SAMD5: variants seen among roughly 807,000 people sequenced by gnomAD.
The protein encoded by SAMD5 is sterile alpha motif domain containing 5.
In SAMD5, 13 loss-of-function variants were observed where a neutral mutation model predicts 11.3. The observed-to-expected ratio is 1.15, with a 90% confidence interval of 0.75 to 1.83. SAMD5 has a LOEUF of 1.83. Ranked by LOEUF, SAMD5 falls within the 40% of genes most tolerant of loss-of-function variation. The pLI is 0.00. For missense variants in SAMD5, 255 were observed against 239.1 expected, an observed-to-expected ratio of 1.07 and a Z score of -0.44; for synonymous variants, 129 against 111.3, an observed-to-expected ratio of 1.16 and a Z score of -1.00.
At chr6:147,834,864 A>C in the SAMD5 span, among the ~76,000 whole-genome samples, 2 of 152,160 alleles carry the variant, frequency 1.3e-5, no homozygotes, top group Non-Finnish European at 2.9e-5. Flanking sequence ...TGGAAACTCC[A>C]CCTAATTTGG....
chr6:147,572,047 G>T (rs1307674435), downstream of SAMD5, among the ~76,000 whole-genome samples: 1 of 150,886 alleles, frequency 6.6e-6, no homozygotes, highest in Non-Finnish European at 1.5e-5. Context: ...CACTGGGTTT[G>T]TTCCCCACTT....
chr6:147,552,560 A>G (rs1313068127), intron 1 of SAMD5, among the ~76,000 whole-genome samples: 1 of 152,244 alleles, frequency 6.6e-6, no homozygotes, highest in African/African-American at 2.4e-5. Context: ...CATCTGCATA[A>G]ATAGTGTTTT....
At chr6:147,714,229 G>T (rs1204180480) in intron 1 of SAMD5, among the ~76,000 whole-genome samples, 1 of 152,178 alleles carries the variant, frequency 6.6e-6, no homozygotes, top group African/African-American at 2.4e-5. Context: ...TATTACTGAA[G>T]AGTAAACTGG....
the SAMD5 span, among the ~76,000 whole-genome samples, chr6:147,747,332 TGCAAATGGAGG>T: frequency 6.6e-6 from 1 of 152,188 alleles, no homozygotes; most frequent in East Asian, 1.9e-4. Context: ...GGACTGGCCC[TGCAAATGGAGG>T]GGCAGGATGT....
chr6:147,815,220 T>A, the SAMD5 span, among the ~76,000 whole-genome samples: 1 of 152,248 alleles, frequency 6.6e-6, no homozygotes, highest in African/African-American at 2.4e-5. Context: ...CTTACCAGCC[T>A]CGTTCACTGC....
chr6:147,634,687 C>A (rs1790199210), intron 1 of SAMD5, among the ~76,000 whole-genome samples: 1 of 152,076 alleles, frequency 6.6e-6, no homozygotes, highest in Non-Finnish European at 1.5e-5. Context: ...GATTTTACCC[C>A]CTACTAAGCT....
chr6:147,537,130 T>C (rs143274372), intron 1 of SAMD5, among the ~76,000 whole-genome samples: 126 of 152,264 alleles, frequency 8.3e-4, no homozygotes, highest in African/African-American at 2.7e-3. Context: ...GTAAGTCATA[T>C]TAGAATTATA....
Position 147,567,996 on chromosome 6 carries a change from G to A in SAMD5, c.*3540G>A. 1.0e-6 allele frequency: 1 copy of A among 985,418 alleles called. No individual in the cohort carries two copies. The highest frequency in any genetic ancestry group is 1.2e-6 in the Non-Finnish European group (1 of 829,968). The allele number at this position is 985,418 out of a possible 1,614,324, so 61.0% of individuals were successfully genotyped here. On this transcript the variant is annotated 3_prime_UTR_variant, in exon 2 of 2. Transcript: ENST00000367474. The stretch of plus-strand genomic sequence containing the variant: ...TTCAAGTCTGGGGAAATAGGCACAT[G>A]GACAGATTATATGAAGGTATTTCAT...
the SAMD5 span, among the ~76,000 whole-genome samples, chr6:147,816,342 A>C: frequency 7.2e-6 from 1 of 138,834 alleles, no homozygotes. Context: ...CAAATTGTAT[A>C]CTTTAAATAT....
chr6:147,701,445 C>A (rs1335326476), intron 1 of SAMD5, among the ~76,000 whole-genome samples: 1 of 152,048 alleles, frequency 6.6e-6, no homozygotes, highest in Non-Finnish European at 1.5e-5. Flanking sequence ...ACCCGCCTGG[C>A]CAACATGGTA....
chr6:147,706,774 A>G (rs1170086328), intron 1 of SAMD5, among the ~76,000 whole-genome samples: 1 of 152,186 alleles, frequency 6.6e-6, no homozygotes, highest in African/African-American at 2.4e-5. Context: ...GTGTGGCTGT[A>G]TTTAAATTCA....
intron 1 of SAMD5, among the ~76,000 whole-genome samples, chr6:147,728,139 A>T (rs1444593960): frequency 7.4e-6 from 1 of 134,368 alleles, no homozygotes; most frequent in Non-Finnish European, 1.7e-5. Context: ...AAACAGAGAT[A>T]ACCAGGCTGG....
chr6:147,512,173 A>T (rs623003), intron 1 of SAMD5, among the ~76,000 whole-genome samples: 1 of 151,930 alleles, frequency 6.6e-6, no homozygotes, highest in East Asian at 1.9e-4. Flanking sequence ...GGCCAGGCTC[A>T]TCTCGAACTC....
the SAMD5 span, among the ~76,000 whole-genome samples, chr6:147,803,033 A>G: frequency 6.6e-6 from 1 of 152,220 alleles, no homozygotes; most frequent in African/African-American, 2.4e-5. Context: ...CTGTATGTAA[A>G]TCATATTTCA....
the SAMD5 span, among the ~76,000 whole-genome samples, chr6:147,756,563 C>G: frequency 1.3e-5 from 2 of 152,082 alleles, no homozygotes; most frequent in Admixed American, 6.5e-5. Context: ...AGAAATTTTT[C>G]TTGCAACATA....
the SAMD5 span, among the ~76,000 whole-genome samples, chr6:147,747,245 G>A: frequency 1.1e-4 from 16 of 152,292 alleles, no homozygotes; most frequent in Middle Eastern, 3.4e-3. Flanking sequence ...AAGTGCTACC[G>A]CAGGGATTGC....
At chr6:147,739,193 T>C, downstream of SAMD5, among the ~76,000 whole-genome samples, 1 of 152,244 alleles carries the variant, frequency 6.6e-6, no homozygotes, top group Non-Finnish European at 1.5e-5. Flanking sequence ...TAGTCAAACA[T>C]GCACAAATCC....
chr6:147,801,329 T>A, the SAMD5 span, among the ~76,000 whole-genome samples: 2 of 152,208 alleles, frequency 1.3e-5, no homozygotes, highest in South Asian at 4.2e-4. Context: ...CTTGTGCCTG[T>A]CAGTCTGCTT....
the SAMD5 span, among the ~76,000 whole-genome samples, chr6:147,795,893 G>A: frequency 9.2e-5 from 14 of 152,036 alleles, no homozygotes; most frequent in African/African-American, 1.2e-4. Flanking sequence ...CATATCCTTC[G>A]CCCACTCTTT....
Sources: allele counts gnomAD v4.1 joint callset (sites outside exome capture counted in the v4.1 genomes callset), GRCh38; gene constraint gnomAD v4.1.1; transcripts MANE v1.5; gene names NCBI Gene and HGNC (gene_info 2026-07-23, HGNC 2026-07-21).